The following SLC24A2 variants were observed in gnomAD, a reference collection of about 807,000 sequenced individuals.
SLC24A2 encodes solute carrier family 24 member 2.
In SLC24A2, 36 loss-of-function variants were observed where a neutral mutation model predicts 62.0. That is an observed-to-expected ratio of 0.58 (90% CI 0.44 to 0.77). The LOEUF (loss-of-function observed/expected upper bound fraction) is 0.77. Ranked by LOEUF, SLC24A2 falls within the 30% of genes least tolerant of loss-of-function variation. The pLI is 0.00. For missense variants in SLC24A2, 846 were observed against 817.9 expected (o/e 1.03, Z -0.42); for synonymous variants, 358 against 294.0 (o/e 1.22, Z -2.23).
At chr9:19,771,200 T>C (rs534036871) in intron 2 of SLC24A2, among the ~76,000 whole-genome samples, 1 of 152,216 alleles carries the variant, frequency 6.6e-6, no homozygotes, top group East Asian at 1.9e-4. Context: ...GGAGATAGAG[T>C]TGGATTAATT....
the SLC24A2 span, among the ~76,000 whole-genome samples, chr9:20,069,430 T>G: frequency 6.6e-6 from 1 of 152,232 alleles, no homozygotes; most frequent in Non-Finnish European, 1.5e-5. Flanking sequence ...TATTATAAAC[T>G]ATAAACATGC....
chr9:19,972,789 C>T, the SLC24A2 span, among the ~76,000 whole-genome samples: 54 of 152,252 alleles, frequency 3.5e-4, no homozygotes, highest in Admixed American at 8.5e-4. Flanking sequence ...AAGTACTATT[C>T]TATACCATGG....
intron 2 of SLC24A2, among the ~76,000 whole-genome samples, chr9:19,780,275 CT>C (rs10645333): frequency 2.0e-5 from 3 of 147,008 alleles, no homozygotes; most frequent in Non-Finnish European, 3.0e-5. Context: ...TTTTCTTTTT[CT>C]TTTTTTTTTG....
chr9:19,522,247 C>T (rs1020501819), intron 9 of SLC24A2, among the ~76,000 whole-genome samples: 1 of 152,134 alleles, frequency 6.6e-6, no homozygotes, highest in Admixed American at 6.5e-5. Flanking sequence ...ATCCTCCTGC[C>T]TTGGCCTCCC....
At chr9:19,766,006 T>C (rs1822504432) in intron 2 of SLC24A2, among the ~76,000 whole-genome samples, 1 of 152,222 alleles carries the variant, frequency 6.6e-6, no homozygotes, top group Admixed American at 6.5e-5. Context: ...TTTCATTCTT[T>C]TTTCTCTAAT....
the SLC24A2 span, among the ~76,000 whole-genome samples, chr9:20,157,946 T>C: frequency 0.8 from 120,401 of 151,418 alleles, 49,300 homozygotes; most frequent in Non-Finnish European, 0.91. Flanking sequence ...TATGCAAAGA[T>C]CCTATAAGAA....
chr9:19,953,989 A>G, the SLC24A2 span, among the ~76,000 whole-genome samples: 1 of 152,068 alleles, frequency 6.6e-6, no homozygotes, highest in African/African-American at 2.4e-5. Context: ...AAAGTATCCC[A>G]TGATGCCCCA....
At position 19,599,054 on chromosome 9, in the gene SLC24A2, T is replaced by A. The variant is rs1359707724; in HGVS notation, c.1079-1775A>T. 2.0e-5 allele frequency among the ~76,000 whole-genome samples: 3 copies of A among 152,210 alleles called. No individual in the cohort carries two copies. Among genetic ancestry groups the A allele is most frequent in the Admixed American group, 1.3e-4 (2 of 15,284 alleles). On this transcript the variant is annotated intron_variant, in intron 4 of 10. Coordinates refer to ENST00000341998, the MANE Select transcript of SLC24A2 (RefSeq NM_020344.4). This position sits in a 1 kb window ranked among gnomAD's most constrained non-coding sequence, Gnocchi z 4.5. ...CAATACACCATTGCATTTTTATGGA[T>A]CCATTTTTGTAGACGCAAACCTCTG...
chr9:19,722,551 G>T (rs1821057222), intron 2 of SLC24A2, among the ~76,000 whole-genome samples: 1 of 151,840 alleles, frequency 6.6e-6, no homozygotes, highest in South Asian at 2.1e-4. Context: ...ATCTTTAAAG[G>T]AATCATGGGG....
the SLC24A2 span, among the ~76,000 whole-genome samples, chr9:19,830,298 T>G: frequency 6.6e-6 from 1 of 152,240 alleles, no homozygotes; most frequent in Non-Finnish European, 1.5e-5. Flanking sequence ...CAAAAACTCC[T>G]CAGGAATCTG....
At chr9:19,893,176 G>A in the SLC24A2 span, among the ~76,000 whole-genome samples, 1 of 152,166 alleles carries the variant, frequency 6.6e-6, no homozygotes, top group Non-Finnish European at 1.5e-5. Context: ...AGGGCAGGGA[G>A]TATTATCTTA....
intron 2 of SLC24A2, among the ~76,000 whole-genome samples, chr9:19,704,514 A>C (rs1820451908): frequency 6.6e-6 from 1 of 152,214 alleles, no homozygotes; most frequent in South Asian, 2.1e-4. Flanking sequence ...GTGTATTTGC[A>C]TCTATTATGA....
the SLC24A2 span, among the ~76,000 whole-genome samples, chr9:20,009,772 G>A: frequency 6.6e-6 from 1 of 152,052 alleles, no homozygotes; most frequent in South Asian, 2.1e-4. Flanking sequence ...GGAGCATCTG[G>A]CCCTGCCCAA....
At chr9:19,946,043 G>A in the SLC24A2 span, among the ~76,000 whole-genome samples, 13 of 152,134 alleles carry the variant, frequency 8.5e-5, no homozygotes, top group African/African-American at 3.1e-4. Flanking sequence ...CTTTAGAAAT[G>A]TTCAAGTTTA....
the SLC24A2 span, among the ~76,000 whole-genome samples, chr9:20,263,873 C>CCCCCCG: frequency 1.6e-5 from 2 of 125,924 alleles, no homozygotes; most frequent in African/African-American, 5.9e-5. Context: ...CCCCCCCCCC[C>CCCCCCG]CATTAAGGCT....
chr9:19,948,763 T>G, the SLC24A2 span, among the ~76,000 whole-genome samples: 1 of 141,804 alleles, frequency 7.1e-6, no homozygotes, highest in Non-Finnish European at 1.5e-5. Context: ...GAGAATGGCG[T>G]GAACCCGGAA....
intron 2 of SLC24A2, among the ~76,000 whole-genome samples, chr9:19,690,374 T>C (rs928454688): frequency 4.6e-5 from 7 of 152,064 alleles, no homozygotes; most frequent in African/African-American, 1.2e-4. Flanking sequence ...CTCTGGGCTG[T>C]AGGGCTTGCA....
chr9:19,988,262 T>G, the SLC24A2 span, among the ~76,000 whole-genome samples: 2 of 152,196 alleles, frequency 1.3e-5, no homozygotes, highest in East Asian at 3.9e-4. Context: ...CCTCTCCTCT[T>G]TTGTAGATGA....
the SLC24A2 span, among the ~76,000 whole-genome samples, chr9:20,243,111 A>T: frequency 2.6e-5 from 4 of 151,784 alleles, no homozygotes; most frequent in Non-Finnish European, 5.9e-5. Context: ...AGACGAAAGG[A>T]CTCCACACCC....
Sources: gnomAD v4.1 joint callset for allele counts (sites outside exome capture counted in the v4.1 genomes callset) on GRCh38, gnomAD v4.1.1 for gene constraint, Gnocchi (gnomAD v3.1) non-coding constraint, MANE v1.5 for transcripts, NCBI Gene and HGNC (gene_info 2026-07-23, HGNC 2026-07-21) for gene names.